TTLL12: variants seen among roughly 807,000 people sequenced by gnomAD.
TTLL12 encodes the protein tubulin tyrosine ligase like 12.
TTLL12 carries 77 observed loss-of-function variants against 79.6 expected under a neutral mutation model. That is an observed-to-expected ratio of 0.97 (90% confidence interval 0.81 to 1.17). The LOEUF (loss-of-function observed/expected upper bound fraction) is 1.17, where lower values mean the gene tolerates loss of function less well. TTLL12 is among the 50% of genes most tolerant of loss of function. The pLI is 0.00. For missense variants in TTLL12, 969 were observed against 895.9 expected, an observed-to-expected ratio of 1.08 and a Z score of -1.04; for synonymous variants, 437 against 376.1, an observed-to-expected ratio of 1.16 and a Z score of -1.87.
At chr22:43,172,886 A>G (rs747466273) in intron 9 of TTLL12, among the ~76,000 whole-genome samples, 13 of 151,956 alleles carry the variant, frequency 8.6e-5, no homozygotes, top group Non-Finnish European at 1.6e-4. Context: ...TTAGTAGAGA[A>G]GGGGTTTCTC....
At chr22:43,180,249 C>CG (rs1932020839) in intron 3 of TTLL12, among the ~76,000 whole-genome samples, 6 of 152,184 alleles carry the variant, frequency 3.9e-5, no homozygotes, top group Admixed American at 3.9e-4. Context: ...TAACAAGGCA[C>CG]TCAGCCCAGC....
chr22:43,174,664 C>G, intron 6 of TTLL12, 49 bp from the exon 7 acceptor site: 11 of 1,391,970 alleles, frequency 7.9e-6, no homozygotes, highest in Non-Finnish European at 1.1e-5. Context: ...AGTGTCCAAG[C>G]GGGACTCCAG....
intron 1 of TTLL12, among the ~76,000 whole-genome samples, chr22:43,186,199 C>A (rs534624032): frequency 1.4e-5 from 2 of 147,962 alleles, no homozygotes; most frequent in African/African-American, 2.5e-5. Flanking sequence ...ACCCCCCCCC[C>A]CGCCAGCCCG....
Position 43,183,030 on chromosome 22 carries a change from G to T in TTLL12, c.297C>A (p.Tyr99Ter), listed in dbSNP as rs776029715. Residue 99 changes from tyrosine (Y) to a stop codon, truncating the protein, a stop_gained, in exon 2 of 14, where the codon TAC (tyrosine) becomes TAA (stop). Transcript: ENST00000216129. LOFTEE classifies it high-confidence loss of function. Reference protein sequence around the residue: ...QQPNPGNELCYKVIVTRESGL... With the variant: ...QQPNPGNELC ...CGCTCTCCCTGGTCACGATGACCTT[G>T]TAGCACAGCTCGTTCCCCGGGTTGG... is the stretch of plus-strand genomic sequence containing the variant. The T allele has an allele frequency of 1.2e-6, 2 of 1,613,890 alleles. No homozygotes were observed. The highest frequency in any genetic ancestry group is 1.3e-5 in the African/African-American group (1 of 74,930).
At chr22:43,173,172 T>C (rs908190426) in intron 9 of TTLL12, among the ~76,000 whole-genome samples, 1 of 152,190 alleles carries the variant, frequency 6.6e-6, no homozygotes, top group Non-Finnish European at 1.5e-5. Flanking sequence ...GCAATCCCAA[T>C]ACTGCTTCTG....
At chr22:43,178,786 G>A (rs796618933) in intron 5 of TTLL12, among the ~76,000 whole-genome samples, 5 of 152,312 alleles carry the variant, frequency 3.3e-5, no homozygotes, top group African/African-American at 1.2e-4. Context: ...GTGACCCCTG[G>A]CAAATGACTT....
rs1051413764 is a variant in TTLL12 at position 43,182,885 on chromosome 22, C to T, written c.347+95G>A. 5 of 1,474,196 alleles carry T rather than the reference C, an allele frequency of 3.4e-6. No homozygotes were observed. In the Admixed American group the frequency reaches 8.6e-5, roughly 25 times the overall value. The allele number at this position is 1,474,196 out of a possible 1,614,324, so 91.3% of individuals were successfully genotyped here. On this transcript the variant is annotated intron_variant, in intron 2 of 13. Transcript: ENST00000216129. ...ACAAAGCTGTCCTAAGGAAGATGTCCAGCGGCGGTGCAGGGCCCAGGAGAA... is the reference window on the plus strand; with the variant it reads ...ACAAAGCTGTCCTAAGGAAGATGTCTAGCGGCGGTGCAGGGCCCAGGAGAA...
At chr22:43,178,932 C>G (rs369869640) in intron 5 of TTLL12, among the ~76,000 whole-genome samples, 6 of 152,174 alleles carry the variant, frequency 3.9e-5, no homozygotes, top group Admixed American at 3.9e-4. Context: ...TTCCAGCCTA[C>G]GGAAGCAGCA....
At chr22:43,170,079 G>A (rs914214092) in intron 11 of TTLL12, 8 of 356,506 alleles carry the variant, frequency 2.2e-5, no homozygotes, top group Admixed American at 1.5e-4. Context: ...GAGGAAGGTG[G>A]CAGTCGGCTC....
At chr22:43,177,614 C>T (rs1601772596) in intron 5 of TTLL12, among the ~76,000 whole-genome samples, 1 of 152,328 alleles carries the variant, frequency 6.6e-6, no homozygotes, top group East Asian at 1.9e-4. Flanking sequence ...ATCCTGAGGA[C>T]ACCTGAGCAC....
chr22:43,173,540 C>T (rs1931818605), intron 9 of TTLL12, among the ~76,000 whole-genome samples, 175 bp downstream of exon 9: 1 of 152,314 alleles, frequency 6.6e-6, no homozygotes, highest in African/African-American at 2.4e-5. Context: ...TGGTTCCAAA[C>T]TTCTGGGCTC....
At chr22:43,180,317 G>A (rs1048428537) in intron 3 of TTLL12, among the ~76,000 whole-genome samples, 12 of 152,132 alleles carry the variant, frequency 7.9e-5, no homozygotes, top group African/African-American at 2.7e-4. Context: ...AGTCGTCTTT[G>A]AGCTCAGGGA....
rs1166596740 is a variant in TTLL12, at chr22:43,183,081, T to C, written c.246A>G (p.Ala82=). The C allele has an allele frequency of 1.2e-6, 2 of 1,613,898 alleles. No homozygotes were observed. Among genetic ancestry groups the C allele is most frequent in the African/African-American group, 2.7e-5 (2 of 74,932 alleles). Residue 82 remains alanine, a synonymous_variant, in exon 2 of 14, where the codon GCA becomes GCG. Coordinates refer to ENST00000216129, the MANE Select transcript of TTLL12 (RefSeq NM_015140.4). ...VEEVEEEEDE[A]AREVRKQQPN... ...GCTGCTGCTTCCGCACCTCCCGGGC[T>C]GCCTCGTCCTCCTCCTCTTCTACCT...
At chr22:43,179,531 C>A in intron 5 of TTLL12, 88 bp downstream of exon 5, 1 of 1,432,596 alleles carries the variant, frequency 7.0e-7, no homozygotes, top group South Asian at 1.5e-5. Flanking sequence ...TGGCACCCGG[C>A]TGGGGTTTGA....
Position 43,171,734 on chromosome 22 carries a change from C to A in TTLL12, c.1575+85G>T. 3 of 1,183,372 alleles carry A rather than the reference C, an allele frequency of 2.5e-6. No homozygotes were observed. The South Asian group carries it at 3.7e-5, about 15-fold the overall frequency. 73.3% of individuals were successfully genotyped at this position (1,183,372 alleles called of 1,614,324 possible). On this transcript the variant is annotated intron_variant, in intron 11 of 13. Transcript: ENST00000216129. ...CCTGGGACTGGCCTGTGTGCCAGTC[C>A]TCCTAGGAGGCAGTGTGGGCGGGGT...
intron 5 of TTLL12, among the ~76,000 whole-genome samples, chr22:43,177,716 C>T (rs981691887): frequency 6.6e-6 from 1 of 152,226 alleles, no homozygotes; most frequent in Admixed American, 6.5e-5. Context: ...CATGCAGAAG[C>T]GGGTCCACAG....
chr22:43,167,968 G>GA lies in TTLL12; in HGVS notation c.*39dup, dbSNP rs1931660571. ...GAAGCAGCTCAGAGAACTGAGGTTG[G>GA]AATCCTGCCCCAAGCACAGGTTTTG... On this transcript the variant is annotated 3_prime_UTR_variant, in exon 14 of 14. Transcript: ENST00000216129. The GA allele has an allele frequency of 6.3e-7, 1 of 1,598,352 alleles. No individual in the cohort carries two copies. The highest frequency in any genetic ancestry group is 1.3e-5 in the African/African-American group (1 of 74,656).
chr22:43,172,023 C>T (rs996360014), intron 10 of TTLL12, 123 bp from the exon 11 acceptor site: 6 of 796,854 alleles, frequency 7.5e-6, no homozygotes, highest in East Asian at 5.4e-5. Flanking sequence ...ACCTGCTGCT[C>T]AGGCGGGAGC....
chr22:43,169,730 T>TG (rs1569483269), intron 11 of TTLL12, 162 bp from the exon 12 acceptor site: 1 of 708,960 alleles, frequency 1.4e-6, no homozygotes, highest in Non-Finnish European at 2.5e-6. Context: ...AGGCAGGAGA[T>TG]GGAGTCTGGG....
Sources: gnomAD v4.1 joint callset for allele counts (sites outside exome capture counted in the v4.1 genomes callset) on GRCh38, gnomAD v4.1.1 for gene constraint, MANE v1.5 for transcripts, NCBI Gene and HGNC (gene_info 2026-07-23, HGNC 2026-07-21) for gene names.